The following RANBP2 variants were observed in gnomAD, a reference collection of about 807,000 sequenced individuals.
RANBP2 encodes E3 SUMO-protein ligase RanBP2.
RANBP2 carries 57 observed loss-of-function variants against 303.6 expected under a neutral mutation model. That is an observed-to-expected ratio of 0.19 (90% confidence interval 0.15 to 0.23). RANBP2 has a LOEUF of 0.23. RANBP2 is among the 10% of genes least tolerant of loss of function. The pLI, the probability that RANBP2 is intolerant of heterozygous loss-of-function variation, is 1.00. For synonymous variants in RANBP2, 1,167 were observed against 1,301.5 expected, an observed-to-expected ratio of 0.90 and a Z score of 2.23; for missense variants, 3,138 against 3,780.8, an observed-to-expected ratio of 0.83 and a Z score of 4.46.
the RANBP2 span, among the ~76,000 whole-genome samples, chr2:109,364,509 G>GT: frequency 6.6e-6 from 1 of 152,156 alleles, no homozygotes; most frequent in African/African-American, 2.4e-5. Context: ...AAACTGTGGG[G>GT]TTTTTTGCCT....
the RANBP2 span, among the ~76,000 whole-genome samples, chr2:109,471,452 C>T: frequency 6.6e-6 from 1 of 152,132 alleles, no homozygotes; most frequent in East Asian, 1.9e-4. Context: ...ATCACAAGAA[C>T]AGCATGGGAG....
At chr2:109,138,372 G>A in the RANBP2 span, among the ~76,000 whole-genome samples, 1 of 152,186 alleles carries the variant, frequency 6.6e-6, no homozygotes, top group Non-Finnish European at 1.5e-5. Context: ...AAAGTAGTGG[G>A]GTTTCAGTTT....
At chr2:109,324,308 C>G in the RANBP2 span, among the ~76,000 whole-genome samples, 2 of 152,154 alleles carry the variant, frequency 1.3e-5, no homozygotes, top group Non-Finnish European at 2.9e-5. Flanking sequence ...TTCCACTGCT[C>G]TAGGAGTAGG....
At chr2:109,704,959 G>C in the RANBP2 span, among the ~76,000 whole-genome samples, 4 of 152,126 alleles carry the variant, frequency 2.6e-5, no homozygotes, top group Middle Eastern at 3.4e-3. Context: ...AACCCCTTTA[G>C]GAATTACAAA....
rs576035153 is a variant in RANBP2, at chr2:108,763,792, A to C, written c.3253A>C (p.Lys1085Gln). 593 of 1,614,140 alleles carry C rather than the reference A, an allele frequency of 3.7e-4. 8 individuals carry two copies. In the South Asian group the frequency reaches 6.3e-3, roughly 17 times the overall value. Residue 1085 changes from lysine to glutamine, a missense_variant, in exon 20 of 29, where the codon AAA becomes CAA. By Grantham distance (53) the Lys-to-Gln change is moderately conservative. Around this residue, in one of 20 missense-constraint regions of RANBP2, gnomAD observed 403 missense variants for 376.7 expected, o/e 1.07. Transcript: ENST00000283195. ...PLQGDGYSGA[K>Q]PIPGGQTIGP... Reference sequence around the variant, plus strand: ...GCAAGGAGATGGCTATAGTGGAGCCAAACCAATTCCTGGTGGTCAAACCAT... The same window carrying C: ...GCAAGGAGATGGCTATAGTGGAGCCCAACCAATTCCTGGTGGTCAAACCAT...
At chr2:109,293,077 C>T in the RANBP2 span, among the ~76,000 whole-genome samples, 6 of 152,168 alleles carry the variant, frequency 3.9e-5, no homozygotes, top group Non-Finnish European at 7.3e-5. Flanking sequence ...GGGAGGGTCC[C>T]TGCACAAGCA....
At chr2:108,754,044 T>C in intron 15 of RANBP2, 73 bp downstream of exon 15, 7 of 1,610,502 alleles carry the variant, frequency 4.3e-6, no homozygotes, top group Non-Finnish European at 5.9e-6. Context: ...TGGTCTTATA[T>C]TTTGGTAATT....
chr2:108,839,612 CTGAG>C, the RANBP2 span, among the ~76,000 whole-genome samples: 22 of 152,110 alleles, frequency 1.4e-4, no homozygotes, highest in East Asian at 3.5e-3. Context: ...ACCTTTTTGG[CTGAG>C]TATTTAAATT....
chr2:108,794,728 A>G, the RANBP2 span: 1 of 1,578,156 alleles, frequency 6.3e-7, no homozygotes, highest in Non-Finnish European at 8.7e-7. Flanking sequence ...GCAGGTAAGA[A>G]CTAAATACTG....
the RANBP2 span, among the ~76,000 whole-genome samples, chr2:108,975,565 C>G: frequency 6.6e-6 from 1 of 152,160 alleles, no homozygotes; most frequent in African/African-American, 2.4e-5. Context: ...GTAGGCTCAG[C>G]TCATTCCTAC....
the RANBP2 span, among the ~76,000 whole-genome samples, chr2:109,342,253 A>G: frequency 6.6e-6 from 1 of 152,256 alleles, no homozygotes; most frequent in Non-Finnish European, 1.5e-5. Context: ...GATCTTGGGC[A>G]ACATGGACTG....
the RANBP2 span, among the ~76,000 whole-genome samples, chr2:109,660,889 C>CT: frequency 2.6e-5 from 4 of 152,190 alleles, no homozygotes; most frequent in Non-Finnish European, 5.9e-5. Flanking sequence ...GTCTTAAGCA[C>CT]TCTTCTCTCA....
At chr2:109,342,789 C>T in the RANBP2 span, among the ~76,000 whole-genome samples, 3 of 152,172 alleles carry the variant, frequency 2.0e-5, no homozygotes, top group Admixed American at 6.5e-5. Flanking sequence ...GCCATCTCCA[C>T]GGGTAGGACA....
chr2:109,079,805 G>A, the RANBP2 span, among the ~76,000 whole-genome samples: 2 of 152,208 alleles, frequency 1.3e-5, no homozygotes, highest in African/African-American at 4.8e-5. Context: ...AGCCTTCCAG[G>A]AGGGGTAGGA....
chr2:109,676,211 C>G, the RANBP2 span, among the ~76,000 whole-genome samples: 1 of 152,222 alleles, frequency 6.6e-6, no homozygotes, highest in Non-Finnish European at 1.5e-5. Flanking sequence ...TTGCTTTTTG[C>G]TGACTACCAC....
the RANBP2 span, among the ~76,000 whole-genome samples, chr2:109,200,010 C>T: frequency 3.9e-4 from 59 of 152,062 alleles, no homozygotes; most frequent in Non-Finnish European, 8.1e-4. Context: ...GTGGGTGCTG[C>T]TGAGCATGCT....
At chr2:109,244,942 G>T in the RANBP2 span, among the ~76,000 whole-genome samples, 1 of 152,216 alleles carries the variant, frequency 6.6e-6, no homozygotes, top group African/African-American at 2.4e-5. Flanking sequence ...GCTTGCCCTT[G>T]GGTTTGAGAC....
chr2:109,367,044 C>G, the RANBP2 span, among the ~76,000 whole-genome samples: 1 of 151,734 alleles, frequency 6.6e-6, no homozygotes, highest in African/African-American at 2.4e-5. Flanking sequence ...ACTTTCACCT[C>G]CTGGTTCAAG....
chr2:109,737,345 C>T, the RANBP2 span: 81 of 690,114 alleles, frequency 1.2e-4, no homozygotes, highest in Middle Eastern at 1.2e-3. Flanking sequence ...ACGGTCACCA[C>T]CCCTTCGCCA....
Sources: allele counts gnomAD v4.1 joint callset (sites outside exome capture counted in the v4.1 genomes callset), GRCh38; gene constraint gnomAD v4.1.1; regional missense constraint gnomAD v4.1.1; transcripts MANE v1.5; gene names NCBI Gene and HGNC (gene_info 2026-07-23, HGNC 2026-07-21).